The following SAMTOR variants were observed in gnomAD, a reference collection of about 807,000 sequenced individuals.
SAMTOR encodes the protein S-adenosylmethionine sensor upstream of mTORC1.
the SAMTOR span, among the ~76,000 whole-genome samples, chr7:112,921,658 GCAA>G: frequency 1.4e-5 from 2 of 146,524 alleles, no homozygotes; most frequent in African/African-American, 5.1e-5. Flanking sequence ...GAGTGAACAG[GCAA>G]CCTACAAAAT....
the SAMTOR span, among the ~76,000 whole-genome samples, chr7:112,899,381 CA>C: frequency 1.3e-5 from 2 of 151,416 alleles, no homozygotes; most frequent in Non-Finnish European, 2.9e-5. Context: ...AATACAGAAT[CA>C]GGGGAGAAAA....
chr7:112,880,300 G>A, the SAMTOR span, among the ~76,000 whole-genome samples: 1 of 152,022 alleles, frequency 6.6e-6, no homozygotes, highest in African/African-American at 2.4e-5. Flanking sequence ...GAGCTTTAGG[G>A]TTTTTAAACA....
the SAMTOR span, chr7:112,821,805 T>C: frequency 1.2e-6 from 2 of 1,613,430 alleles, no homozygotes; most frequent in Non-Finnish European, 1.7e-6. Context: ...GGCTTGACTT[T>C]CTCCAGAATC....
At chr7:112,939,441 C>T in the SAMTOR span, 322 of 1,264,824 alleles carry the variant, frequency 2.5e-4, 1 homozygote, top group Middle Eastern at 1.1e-3. Context: ...GACTAGGGGG[C>T]TCAGACCAGG....
the SAMTOR span, among the ~76,000 whole-genome samples, chr7:112,922,166 C>A: frequency 6.6e-6 from 1 of 152,194 alleles, no homozygotes; most frequent in Admixed American, 6.5e-5. Context: ...CTGTGTTGGC[C>A]GGGCTGGTCT....
chr7:112,836,818 G>C, the SAMTOR span, among the ~76,000 whole-genome samples: 1 of 152,076 alleles, frequency 6.6e-6, no homozygotes, highest in African/African-American at 2.4e-5. Context: ...TTTGGTACCA[G>C]TACCATGCTG....
At chr7:112,922,998 C>T in the SAMTOR span, among the ~76,000 whole-genome samples, 1 of 151,822 alleles carries the variant, frequency 6.6e-6, no homozygotes, top group Non-Finnish European at 1.5e-5. Flanking sequence ...TCACTGAGAA[C>T]AGGCCATGAT....
the SAMTOR span, among the ~76,000 whole-genome samples, chr7:112,899,405 T>G: frequency 1.3e-4 from 19 of 148,236 alleles, no homozygotes; most frequent in East Asian, 3.6e-3. Context: ...AAAAAAGGAG[T>G]GAAAAAGAAA....
chr7:112,832,767 C>A, the SAMTOR span: 2 of 728,594 alleles, frequency 2.7e-6, no homozygotes, highest in Non-Finnish European at 2.3e-6. Context: ...GGTCTCAGGA[C>A]CCTTTTACAC....
chr7:112,884,186 CACA>C, the SAMTOR span, among the ~76,000 whole-genome samples: 276 of 152,244 alleles, frequency 1.8e-3, 3 homozygotes, highest in Non-Finnish European at 1.5e-3. Flanking sequence ...GGGTCCTTCC[CACA>C]ACATGTGGGG....
chr7:112,886,261 C>A, the SAMTOR span, among the ~76,000 whole-genome samples: 4 of 152,082 alleles, frequency 2.6e-5, no homozygotes, highest in East Asian at 7.7e-4. Flanking sequence ...GATGGGATGC[C>A]ATTTTATTCC....
At chr7:112,897,354 T>C in the SAMTOR span, among the ~76,000 whole-genome samples, 3 of 152,162 alleles carry the variant, frequency 2.0e-5, no homozygotes, top group Non-Finnish European at 4.4e-5. Context: ...CTTTATCAAC[T>C]TGAAATTAAT....
At chr7:112,932,157 C>T in the SAMTOR span, among the ~76,000 whole-genome samples, 1 of 152,010 alleles carries the variant, frequency 6.6e-6, no homozygotes, top group Non-Finnish European at 1.5e-5. Context: ...TATCTCTTGA[C>T]CTCGTGATCC....
chr7:112,897,193 A>C, the SAMTOR span, among the ~76,000 whole-genome samples: 1 of 152,140 alleles, frequency 6.6e-6, no homozygotes, highest in Non-Finnish European at 1.5e-5. Context: ...AAGGGGTACA[A>C]GGGAGCTTTC....
chr7:112,925,610 A>G, the SAMTOR span, among the ~76,000 whole-genome samples: 1 of 152,158 alleles, frequency 6.6e-6, no homozygotes, highest in East Asian at 1.9e-4. Flanking sequence ...CCTGACAAAC[A>G]TGGTAAAACC....
chr7:112,903,422 T>C, the SAMTOR span, among the ~76,000 whole-genome samples: 2 of 151,848 alleles, frequency 1.3e-5, no homozygotes, highest in East Asian at 3.9e-4. Flanking sequence ...CAATGAGTTA[T>C]CCCTGATGGG....
At chr7:112,840,848 T>C in the SAMTOR span, among the ~76,000 whole-genome samples, 2 of 152,058 alleles carry the variant, frequency 1.3e-5, no homozygotes, top group Admixed American at 6.6e-5. Flanking sequence ...ATTATTTCAA[T>C]AGATGCAGAA....
At chr7:112,833,775 G>C in the SAMTOR span, among the ~76,000 whole-genome samples, 1 of 152,054 alleles carries the variant, frequency 6.6e-6, no homozygotes, top group African/African-American at 2.4e-5. Context: ...CTGATCAATT[G>C]TCAGCAATAT....
the SAMTOR span, among the ~76,000 whole-genome samples, chr7:112,907,415 T>G: frequency 1.5e-4 from 23 of 152,228 alleles, no homozygotes; most frequent in Non-Finnish European, 3.1e-4. Context: ...CAAATTGTTA[T>G]TTGAATTCCT....
Sources: allele counts gnomAD v4.1 joint callset (sites outside exome capture counted in the v4.1 genomes callset), GRCh38; gene constraint gnomAD v4.1.1; transcripts MANE v1.5; gene names NCBI Gene and HGNC (gene_info 2026-07-23, HGNC 2026-07-21).